PLXNA4: variants seen among roughly 807,000 people sequenced by gnomAD.
PLXNA4 encodes the protein plexin-A4.
A neutral mutation model predicts 191.8 loss-of-function variants in PLXNA4; 44 were observed. The ratio of observed to expected loss-of-function variants is 0.23; its 90% CI spans 0.18 to 0.29. PLXNA4 has a LOEUF of 0.29. PLXNA4 is among the 10% of genes least tolerant of loss of function. The pLI, the probability that PLXNA4 is intolerant of heterozygous loss-of-function variation, is 1.00. For synonymous variants in PLXNA4, 1,082 were observed against 1,009.5 expected, an observed-to-expected ratio of 1.07 and a Z score of -1.36; for missense variants, 1,800 against 2,488.8, an observed-to-expected ratio of 0.72 and a Z score of 5.89.
chr7:132,574,120 GAACCCAGATGTTTAGCTTAT>G (rs1420894327), intron 1 of PLXNA4, among the ~76,000 whole-genome samples: 21 of 152,202 alleles, frequency 1.4e-4, no homozygotes, highest in Non-Finnish European at 2.9e-4. Flanking sequence ...GAGATTTTCT[GAACCCAGATGTTTAGCTTAT>G]AACCAGCATA....
chr7:132,553,331 A>T (rs1800646383), intron 1 of PLXNA4, among the ~76,000 whole-genome samples: 1 of 152,136 alleles, frequency 6.6e-6, no homozygotes, highest in Non-Finnish European at 1.5e-5. Context: ...CATTACTGCG[A>T]ATGGTATTTT....
At chr7:132,320,458 T>C (rs1300608685) in intron 3 of PLXNA4, among the ~76,000 whole-genome samples, 1 of 152,194 alleles carries the variant, frequency 6.6e-6, no homozygotes. Flanking sequence ...CCTAACTTGA[T>C]TAGATCTCCA....
At chr7:132,530,816 G>T (rs1244974684) in intron 1 of PLXNA4, among the ~76,000 whole-genome samples, 2 of 152,136 alleles carry the variant, frequency 1.3e-5, no homozygotes, top group Non-Finnish European at 2.9e-5. Context: ...AGAGTTAAAA[G>T]ATAGAAACAA....
chr7:132,188,973 GGAAAGGAAAGGAAAGGAAAGGAGA>G (rs1217846989), intron 14 of PLXNA4, among the ~76,000 whole-genome samples: 76 of 57,432 alleles, frequency 1.3e-3, no homozygotes, highest in South Asian at 7.1e-3. Flanking sequence ...GGAAAGGAAA[GGAAAGGAAAGGAAAGGAAAGGAGA>G]GAGAGAGAGA....
At chr7:132,543,250 C>T (rs1800158093) in intron 1 of PLXNA4, among the ~76,000 whole-genome samples, 1 of 152,302 alleles carries the variant, frequency 6.6e-6, no homozygotes, top group South Asian at 2.1e-4. Context: ...TCACAACTTG[C>T]AAAGGCTGGT....
At chr7:132,412,032 T>C (rs535032037) in intron 3 of PLXNA4, among the ~76,000 whole-genome samples, 84 of 152,200 alleles carry the variant, frequency 5.5e-4, no homozygotes, top group South Asian at 1.2e-3. Context: ...GCCGAGTTTG[T>C]TCTCCACTTC....
chr7:132,627,008 C>T (rs1200251702), intron 2 of PLXNA4, among the ~76,000 whole-genome samples: 3 of 152,206 alleles, frequency 2.0e-5, no homozygotes, highest in African/African-American at 4.8e-5. Context: ...ATTTCAATGG[C>T]TCCTGACTAC....
intron 20 of PLXNA4, 148 bp from the exon 21 acceptor site, chr7:132,175,068 T>A: frequency 7.6e-7 from 1 of 1,311,400 alleles, no homozygotes; most frequent in Non-Finnish European, 1.0e-6. Context: ...AGGCTATGTT[T>A]ACATAGCTGG....
intron 2 of PLXNA4, among the ~76,000 whole-genome samples, chr7:132,600,858 C>A (rs1802804768): frequency 6.6e-6 from 1 of 151,970 alleles, no homozygotes; most frequent in Non-Finnish European, 1.5e-5. Flanking sequence ...CTTCAGAAGT[C>A]TATTTTACCA....
At chr7:132,593,246 T>A (rs767906978) in intron 2 of PLXNA4, among the ~76,000 whole-genome samples, 1 of 152,306 alleles carries the variant, frequency 6.6e-6, no homozygotes, top group African/African-American at 2.4e-5. Flanking sequence ...TCTCCCTGCC[T>A]ACCCCAGCTC....
At chr7:132,399,128 G>A (rs996055380) in intron 3 of PLXNA4, among the ~76,000 whole-genome samples, 6 of 152,104 alleles carry the variant, frequency 3.9e-5, no homozygotes, top group East Asian at 3.9e-4. Context: ...CCTCAGTCAC[G>A]TCTCTATTAC....
At chr7:132,577,537 A>G (rs1261481973), upstream of PLXNA4, among the ~76,000 whole-genome samples, 1 of 151,546 alleles carries the variant, frequency 6.6e-6, no homozygotes, top group Non-Finnish European at 1.5e-5. Flanking sequence ...CAGAGGGGGC[A>G]GGGGGCGCCT....
chr7:132,258,430 G>A (rs147228740), intron 4 of PLXNA4, among the ~76,000 whole-genome samples: 1 of 152,284 alleles, frequency 6.6e-6, no homozygotes, highest in East Asian at 1.9e-4. Context: ...ATGGGCTGGC[G>A]TCAGGCCGTT....
At chr7:132,259,732 T>C (rs929092376) in intron 4 of PLXNA4, among the ~76,000 whole-genome samples, 4 of 152,140 alleles carry the variant, frequency 2.6e-5, no homozygotes, top group African/African-American at 9.7e-5. Context: ...AAGGTGCCCT[T>C]CAGTAGGCGA....
intron 3 of PLXNA4, among the ~76,000 whole-genome samples, chr7:132,456,841 C>T (rs1444679758): frequency 6.6e-6 from 1 of 152,218 alleles, no homozygotes; most frequent in African/African-American, 2.4e-5. Flanking sequence ...CTGGTTCCTA[C>T]ATCCCCATAG....
chr7:132,330,462 G>A (rs1257568511), intron 3 of PLXNA4, among the ~76,000 whole-genome samples: 1 of 152,200 alleles, frequency 6.6e-6, no homozygotes, highest in Non-Finnish European at 1.5e-5. Context: ...AGAAAGGGCG[G>A]AAAAGGTCCT....
chr7:132,611,557 C>T (rs190658747), intron 2 of PLXNA4, among the ~76,000 whole-genome samples: 35 of 152,308 alleles, frequency 2.3e-4, no homozygotes, highest in African/African-American at 6.7e-4. Context: ...GCTGTGCCCA[C>T]GTCATAACGT....
chr7:132,292,202 C>T (rs1800919159), intron 4 of PLXNA4, among the ~76,000 whole-genome samples: 2 of 152,272 alleles, frequency 1.3e-5, no homozygotes, highest in African/African-American at 4.8e-5. Context: ...AAATATGACG[C>T]AAAATATTTC....
intron 2 of PLXNA4, among the ~76,000 whole-genome samples, chr7:132,607,984 CT>C (rs1802964966): frequency 2.0e-5 from 3 of 146,500 alleles, no homozygotes; most frequent in African/African-American, 5.1e-5. Context: ...TGCCATCATC[CT>C]CATCTCTATC....
Sources: gnomAD v4.1 joint callset for allele counts (sites outside exome capture counted in the v4.1 genomes callset) on GRCh38, gnomAD v4.1.1 for gene constraint, MANE v1.5 for transcripts, NCBI Gene and HGNC (gene_info 2026-07-23, HGNC 2026-07-21) for gene names.